ZDHHC17: variants seen among roughly 807,000 people sequenced by gnomAD.
ZDHHC17 encodes the protein palmitoyltransferase ZDHHC17.
Under a neutral mutation model 90.3 loss-of-function variants are expected in ZDHHC17, and 40 were observed. The ratio of observed to expected loss-of-function variants is 0.44; its 90% CI spans 0.34 to 0.58. The LOEUF (loss-of-function observed/expected upper bound fraction) is 0.58, where lower values mean the gene tolerates loss of function less well. ZDHHC17 is among the 20% of genes least tolerant of loss of function. The probability of loss-of-function intolerance (pLI) is 0.01; values close to 1 mark genes in which losing one functional copy is unlikely to be tolerated. For missense variants in ZDHHC17, 614 were observed against 780.8 expected, an observed-to-expected ratio of 0.79 and a Z score of 2.55; for synonymous variants, 235 against 252.4, an observed-to-expected ratio of 0.93 and a Z score of 0.65.
At chr12:76,833,263 T>C (rs1953326347) in intron 10 of ZDHHC17, among the ~76,000 whole-genome samples, 1 of 152,184 alleles carries the variant, frequency 6.6e-6, no homozygotes, top group Non-Finnish European at 1.5e-5. Context: ...TTTAAAAAAC[T>C]ATACAAATCT....
At chr12:76,822,633 C>A in intron 8 of ZDHHC17, 102 bp downstream of exon 8, 1 of 854,556 alleles carries the variant, frequency 1.2e-6, no homozygotes, top group Non-Finnish European at 1.8e-6. Context: ...TGGCTCACTG[C>A]AATCCCTGCC....
Position 76,848,261 on chromosome 12 carries a change from C to T in ZDHHC17, c.1536C>T (p.Tyr512=), listed in dbSNP as rs11115757. The change falls in exon 15 of 17, where the codon TAC becomes TAT. Residue 512 remains tyrosine, a synonymous_variant. Coordinates refer to ENST00000426126, the MANE Select transcript of ZDHHC17 (RefSeq NM_015336.4). ...GGGGACTCCACTGTGAGACCACTTA[C>T]ACCAAGGATGGATTTTGGACATACA... The part of the protein sequence containing the change: ...SYWGLHCETT[Y]TKDGFWTYIT... 26,225 of 1,613,858 alleles carry T rather than the reference C, an allele frequency of 0.016. 258 individuals carry two copies. The highest frequency in any genetic ancestry group is 0.02 in the Non-Finnish European group (23,169 of 1,179,780).
intron 2 of ZDHHC17, 122 bp from the exon 3 acceptor site, chr12:76,805,195 T>C: frequency 1.0e-6 from 1 of 969,652 alleles, no homozygotes; most frequent in East Asian, 2.8e-5. Context: ...ATATTCTATG[T>C]TGAGAAATAC....
intron 5 of ZDHHC17, among the ~76,000 whole-genome samples, chr12:76,814,733 G>A (rs971064295): frequency 2.6e-5 from 4 of 151,908 alleles, no homozygotes; most frequent in Non-Finnish European, 5.9e-5. Flanking sequence ...TAAAAACTGA[G>A]TATATTAAAA....
chr12:76,764,139 G>C lies in ZDHHC17; in HGVS notation c.-98G>C, dbSNP rs1592451294. Reference sequence around the variant, plus strand: ...CGTCACGGGGGCAGGAGAAGAAGGAGGAGGAGGCCCGCGTCGCCTCCGGCG... The same window carrying C: ...CGTCACGGGGGCAGGAGAAGAAGGACGAGGAGGCCCGCGTCGCCTCCGGCG... On this transcript the variant is annotated 5_prime_UTR_variant, in exon 1 of 17. Transcript: ENST00000426126. The C allele has an allele frequency of 1.1e-6, 1 of 931,242 alleles. No homozygotes were observed. The highest frequency in any genetic ancestry group is 1.6e-6 in the Non-Finnish European group (1 of 625,820). 57.7% of individuals were successfully genotyped at this position (931,242 alleles called of 1,614,324 possible). A position where few individuals can be genotyped will look rare whatever the true frequency, so the allele number is the denominator to read the frequency against.
At chr12:76,766,454 A>G (rs1334494473) in intron 1 of ZDHHC17, among the ~76,000 whole-genome samples, 1 of 152,224 alleles carries the variant, frequency 6.6e-6, no homozygotes, top group Non-Finnish European at 1.5e-5. Context: ...ATCATTTATA[A>G]TGGATAAAAA....
rs538837789 is a variant in ZDHHC17, at chr12:76,803,706, T to C, written c.198-1611T>C. 4.6e-5 allele frequency among the ~76,000 whole-genome samples: 7 copies of C among 152,292 alleles called. 1 individual carries two copies. Among genetic ancestry groups the C allele is most frequent in the African/African-American group, 1.7e-4 (7 of 41,570 alleles). On this transcript the variant is annotated intron_variant, in intron 2 of 16. Transcript: ENST00000426126. ...AGAGAGATTTGACAAATTCTTTTAA[T>C]CCCGTTATATATATGTTGACTTGAT...
intron 1 of ZDHHC17, among the ~76,000 whole-genome samples, chr12:76,765,996 C>G (rs1199277143): frequency 6.6e-6 from 1 of 152,218 alleles, no homozygotes; most frequent in Non-Finnish European, 1.5e-5. Context: ...GCCACCATGC[C>G]AGGCCTATCT....
intron 10 of ZDHHC17, among the ~76,000 whole-genome samples, chr12:76,836,698 T>G (rs1252206061): frequency 2.0e-5 from 3 of 152,204 alleles, no homozygotes; most frequent in Non-Finnish European, 4.4e-5. Context: ...AGCTTCTTAA[T>G]TGGGTTGCTC....
intron 1 of ZDHHC17, among the ~76,000 whole-genome samples, chr12:76,782,163 A>G (rs551258463): frequency 2.6e-5 from 4 of 152,352 alleles, no homozygotes; most frequent in South Asian, 2.1e-4. Context: ...ATGGAGTGCT[A>G]TAGTCTTTAC....
chr12:76,776,096 C>T (rs1952556024), intron 1 of ZDHHC17, among the ~76,000 whole-genome samples: 1 of 151,380 alleles, frequency 6.6e-6, no homozygotes, highest in Non-Finnish European at 1.5e-5. Flanking sequence ...AATCAAGTCC[C>T]AAAAAAGGGT....
intron 1 of ZDHHC17, among the ~76,000 whole-genome samples, chr12:76,794,833 A>G (rs1358036818): frequency 6.6e-6 from 1 of 152,208 alleles, no homozygotes; most frequent in Non-Finnish European, 1.5e-5. Context: ...ACTTTATGAT[A>G]GTAATCCTCA....
chr12:76,794,793 G>T (rs1246319736), intron 1 of ZDHHC17, among the ~76,000 whole-genome samples: 1 of 152,090 alleles, frequency 6.6e-6, no homozygotes, highest in Non-Finnish European at 1.5e-5. Flanking sequence ...AGGTCTCTGG[G>T]CATGAAAATA....
At chr12:76,800,679 T>A (rs985968841) in intron 2 of ZDHHC17, among the ~76,000 whole-genome samples, 1 of 152,068 alleles carries the variant, frequency 6.6e-6, no homozygotes, top group African/African-American at 2.4e-5. Context: ...CTCCTCTGGT[T>A]ACTATTTGCA....
In ZDHHC17 at chr12:76,853,073, CTTCT is replaced by C. The variant is rs1330562140; in HGVS notation, c.*2091_*2094del. The C allele has an allele frequency of 2.0e-5, 3 of 152,132 alleles. No individual in the cohort carries two copies. Among genetic ancestry groups the C allele is most frequent in the Non-Finnish European group, 2.9e-5 (2 of 68,004 alleles). The allele number at this position is 152,132 out of a possible 1,614,324, so 9.4% of individuals were successfully genotyped here. A position where few individuals can be genotyped will look rare whatever the true frequency, so the allele number is the denominator to read the frequency against. On this transcript the variant is annotated 3_prime_UTR_variant, in exon 17 of 17. Transcript: ENST00000426126. ...GTTTGGCTAAGAATGTTGTTACCAT[CTTCT>C]TTGTTTGTGGTACAATATTTTCAGT...
chr12:76,834,014 T>C (rs1421272444), intron 10 of ZDHHC17, among the ~76,000 whole-genome samples: 2 of 152,138 alleles, frequency 1.3e-5, no homozygotes, highest in South Asian at 2.1e-4. Context: ...TAAAATACTT[T>C]CCTGCCTTAA....
At chr12:76,803,638 G>A (rs1407470961) in intron 2 of ZDHHC17, among the ~76,000 whole-genome samples, 1 of 152,112 alleles carries the variant, frequency 6.6e-6, no homozygotes, top group Non-Finnish European at 1.5e-5. Flanking sequence ...CTTCACCCTG[G>A]TATTCCATAA....
intron 1 of ZDHHC17, among the ~76,000 whole-genome samples, chr12:76,784,807 A>G (rs1280827035): frequency 6.6e-6 from 1 of 152,232 alleles, no homozygotes; most frequent in African/African-American, 2.4e-5. Context: ...ACGATCCTGA[A>G]GACAAAGCAC....
At position 76,828,392 on chromosome 12, in the gene ZDHHC17, C is replaced by G; in HGVS notation, c.1043C>G (p.Ser348Cys). The G allele has an allele frequency of 6.3e-7, 1 of 1,589,520 alleles. No homozygotes were observed. Among genetic ancestry groups the G allele is most frequent in the Non-Finnish European group, 8.5e-7 (1 of 1,171,338 alleles). ...TTTATAAAACTTGTGTTTTACAGATCCTTTTTCGATCATTCAATGCATAGT... is the reference window on the plus strand; with the variant it reads ...TTTATAAAACTTGTGTTTTACAGATGCTTTTTCGATCATTCAATGCATAGT... ...VWATVQFLSKSFFDHSMHSAL... is the reference protein window; with the variant it reads ...VWATVQFLSKCFFDHSMHSAL... The change falls in exon 10 of 17, where the codon TCC (serine) becomes TGC (cysteine). Residue 348 changes from serine (S) to cysteine (C), a missense_variant and splice_region_variant. This residue lies in a region of ZDHHC17 where 117 missense variants were observed against 183.6 expected (regional missense o/e 0.64). Coordinates refer to ENST00000426126, the MANE Select transcript of ZDHHC17 (RefSeq NM_015336.4).
Sources: gnomAD v4.1 joint callset for allele counts (sites outside exome capture counted in the v4.1 genomes callset) on GRCh38, gnomAD v4.1.1 for gene constraint, gnomAD v4.1.1 regional missense constraint, MANE v1.5 for transcripts, NCBI Gene and HGNC (gene_info 2026-07-23, HGNC 2026-07-21) for gene names.